The following EXOC6 variants were observed in gnomAD, a reference collection of about 807,000 sequenced individuals.
The protein encoded by EXOC6 is exocyst complex component 6.
EXOC6 carries 60 observed loss-of-function variants against 112.5 expected under a neutral mutation model. The ratio of observed to expected loss-of-function variants is 0.53; its 90% CI spans 0.43 to 0.66. The LOEUF (loss-of-function observed/expected upper bound fraction) is 0.66, where lower values mean the gene tolerates loss of function less well. Among genes scored for constraint, EXOC6 ranks in the 30% least tolerant of loss-of-function variants. The pLI is 0.00. For synonymous variants in EXOC6, 295 were observed against 308.0 expected (o/e 0.96, Z 0.44); for missense variants, 855 against 957.1 (o/e 0.89, Z 1.41).
intron 1 of EXOC6, 53 bp from the exon 2 acceptor site, chr10:92,893,296 G>A (rs1849595544): frequency 1.5e-6 from 2 of 1,343,272 alleles, no homozygotes; most frequent in Admixed American, 2.2e-5. Flanking sequence ...GCAAAGATCA[G>A]GCTTACTAAA....
At chr10:92,931,160 T>C (rs1852013152) in intron 9 of EXOC6, among the ~76,000 whole-genome samples, 2 of 144,252 alleles carry the variant, frequency 1.4e-5, no homozygotes, top group Admixed American at 6.9e-5. Context: ...AGGCAAGATA[T>C]GGACTTGGAG....
At chr10:93,044,552 G>A (rs1017815984) in intron 20 of EXOC6, among the ~76,000 whole-genome samples, 2 of 151,906 alleles carry the variant, frequency 1.3e-5, no homozygotes, top group African/African-American at 4.8e-5. Flanking sequence ...GGATTCCAAG[G>A]CAAAATGGTA....
chr10:92,844,260 A>G (rs1188586158), upstream of EXOC6, among the ~76,000 whole-genome samples: 1 of 152,184 alleles, frequency 6.6e-6, no homozygotes, highest in Non-Finnish European at 1.5e-5. Flanking sequence ...CCTCTACTAT[A>G]TGCAAGGCAC....
chr10:93,047,147 G>A (rs1041632129), intron 20 of EXOC6, among the ~76,000 whole-genome samples: 1 of 152,198 alleles, frequency 6.6e-6, no homozygotes, highest in African/African-American at 2.4e-5. Context: ...CTGGAATATT[G>A]TAAGAGAGAG....
At position 92,974,070 on chromosome 10, in the gene EXOC6, A is replaced by T. The variant is rs141833134; in HGVS notation, c.1791A>T (p.Ala597=). 8.3e-4 allele frequency: 1,316 copies of T among 1,593,494 alleles called. 7 individuals are homozygous for T. The highest frequency in any genetic ancestry group is 7.1e-3 in the Middle Eastern group (43 of 6,018). Residue 597 remains alanine (A), a synonymous_variant, in exon 18 of 22, where the codon GCA becomes GCT. Transcript: ENST00000260762. ...CATGTCAGGATGCTCGACATGCAGC[A>T]GAAGGAGAAATATATACCAAACTGA... is the stretch of plus-strand genomic sequence containing the variant. ...LSTFKDARHA[A]EGEIYTKLNQ...
At chr10:93,005,789 C>T (rs1843949157) in intron 19 of EXOC6, among the ~76,000 whole-genome samples, 3 of 152,284 alleles carry the variant, frequency 2.0e-5, no homozygotes, top group African/African-American at 7.2e-5. Flanking sequence ...AGTGCTGGCA[C>T]CTATTTCAAT....
intron 1 of EXOC6, among the ~76,000 whole-genome samples, chr10:92,837,632 C>T (rs1846704297): frequency 6.6e-6 from 1 of 152,214 alleles, no homozygotes; most frequent in African/African-American, 2.4e-5. Context: ...CACTGCACCC[C>T]AGCCTGAGTG....
chr10:92,846,547 AAAG>A, upstream of EXOC6, among the ~76,000 whole-genome samples: 2 of 152,218 alleles, frequency 1.3e-5, 1 homozygote, highest in Non-Finnish European at 2.9e-5. Context: ...AACATAAAAA[AAAG>A]AAGACAAATT....
At chr10:93,036,218 C>A (rs1441879410) in intron 20 of EXOC6, among the ~76,000 whole-genome samples, 23 of 140,600 alleles carry the variant, frequency 1.6e-4, no homozygotes, top group East Asian at 2.0e-4. Flanking sequence ...AACTCCATCT[C>A]AAAAAAAAAA....
chr10:93,026,017 G>C (rs988652849), intron 20 of EXOC6, among the ~76,000 whole-genome samples: 4 of 152,168 alleles, frequency 2.6e-5, no homozygotes, highest in Admixed American at 6.5e-5. Context: ...TTTTGGTTCT[G>C]CTTTCTTTTG....
intron 8 of EXOC6, among the ~76,000 whole-genome samples, chr10:92,921,059 T>C (rs1410441818): frequency 6.6e-6 from 1 of 152,192 alleles, no homozygotes; most frequent in Non-Finnish European, 1.5e-5. Context: ...TGCCTTTCAA[T>C]TGGAGTGTTT....
upstream of EXOC6, among the ~76,000 whole-genome samples, chr10:92,834,465 C>T (rs1313207536): frequency 1.3e-5 from 2 of 152,058 alleles, no homozygotes; most frequent in African/African-American, 4.8e-5. Context: ...ATATAGCTGG[C>T]ACTAGGCAGG....
chr10:92,975,857 C>A (rs1259166000), intron 18 of EXOC6, among the ~76,000 whole-genome samples: 6 of 139,574 alleles, frequency 4.3e-5, no homozygotes, highest in Middle Eastern at 4.0e-3. Flanking sequence ...TCTGCCCGGC[C>A]GCCCCTACTG....
intron 20 of EXOC6, among the ~76,000 whole-genome samples, chr10:93,034,721 T>C (rs1284103551): frequency 2.6e-5 from 4 of 152,238 alleles, no homozygotes; most frequent in African/African-American, 9.6e-5. Flanking sequence ...TTTATTCTTT[T>C]ATGATGAGGA....
chr10:92,961,278 A>G (rs1263081902), intron 17 of EXOC6, among the ~76,000 whole-genome samples: 1 of 152,102 alleles, frequency 6.6e-6, no homozygotes, highest in Non-Finnish European at 1.5e-5. Flanking sequence ...TGTAAAATTC[A>G]TTTTATTGTG....
chr10:92,845,925 C>T (rs1002353178), upstream of EXOC6, among the ~76,000 whole-genome samples: 7 of 152,280 alleles, frequency 4.6e-5, no homozygotes, highest in African/African-American at 1.4e-4. Flanking sequence ...GTAACAAAAG[C>T]GAAACTCTGT....
chr10:92,893,523 A>G lies in EXOC6; in HGVS notation c.273+3A>G. ...GGACTGATGCAGAAAAACTGAAGGTAAGAAATATGTTAAAATTATTTGCCT... is the reference window on the plus strand; with the variant it reads ...GGACTGATGCAGAAAAACTGAAGGTGAGAAATATGTTAAAATTATTTGCCT... On this transcript the variant is annotated splice_donor_region_variant and intron_variant, in intron 2 of 21. Coordinates refer to ENST00000260762, the MANE Select transcript of EXOC6 (RefSeq NM_019053.6). 1 of 1,594,440 alleles carries G rather than the reference A, an allele frequency of 6.3e-7. No homozygotes were observed. Among genetic ancestry groups the G allele is most frequent in the Middle Eastern group, 1.7e-4 (1 of 5,766 alleles).
At chr10:92,857,235 A>G (rs1421443689) in intron 1 of EXOC6, among the ~76,000 whole-genome samples, 2 of 151,190 alleles carry the variant, frequency 1.3e-5, no homozygotes, top group African/African-American at 4.9e-5. Flanking sequence ...TTCTGGTGTA[A>G]TATTTTAATT....
chr10:93,014,999 C>CAA (rs1294409312), intron 20 of EXOC6, among the ~76,000 whole-genome samples: 2 of 151,314 alleles, frequency 1.3e-5, no homozygotes, highest in East Asian at 3.9e-4. Context: ...TGGGGAGTCA[C>CAA]AAGGGGGTCA....
Sources: gnomAD v4.1 joint callset for allele counts (sites outside exome capture counted in the v4.1 genomes callset) on GRCh38, gnomAD v4.1.1 for gene constraint, MANE v1.5 for transcripts, NCBI Gene and HGNC (gene_info 2026-07-23, HGNC 2026-07-21) for gene names.